HCN1: variants seen among roughly 807,000 people sequenced by gnomAD.
The protein encoded by HCN1 is potassium/sodium hyperpolarization-activated cyclic nucleotide-gated channel 1.
In HCN1, 13 loss-of-function variants were observed where a neutral mutation model predicts 78.9. The ratio of observed to expected loss-of-function variants is 0.16; its 90% CI spans 0.11 to 0.26. The LOEUF (loss-of-function observed/expected upper bound fraction) is 0.26. Among genes scored for constraint, HCN1 ranks in the 10% least tolerant of loss-of-function variants. The probability of loss-of-function intolerance (pLI) is 1.00; values close to 1 mark genes in which losing one functional copy is unlikely to be tolerated. For missense variants in HCN1, 810 were observed against 1,154.3 expected (o/e 0.70, Z 4.32); for synonymous variants, 552 against 455.5 (o/e 1.21, Z -2.70).
intron 1 of HCN1, among the ~76,000 whole-genome samples, chr5:45,668,022 A>AT (rs1746083668): frequency 6.6e-6 from 1 of 151,920 alleles, no homozygotes. Context: ...TTGGAGGCAG[A>AT]TTTTCTGGTA....
chr5:45,628,815 T>C (rs1239736575), intron 2 of HCN1, among the ~76,000 whole-genome samples: 2 of 151,528 alleles, frequency 1.3e-5, no homozygotes, highest in Non-Finnish European at 2.9e-5. Flanking sequence ...CTTCTAAAAC[T>C]ACAAAAAATT....
chr5:45,689,375 T>A (rs560689289), intron 1 of HCN1, among the ~76,000 whole-genome samples: 9 of 152,234 alleles, frequency 5.9e-5, no homozygotes, highest in African/African-American at 2.2e-4. Flanking sequence ...ACATTGGGAA[T>A]GTAAAACTGA....
At chr5:45,392,478 C>G (rs143471474) in intron 4 of HCN1, among the ~76,000 whole-genome samples, 1 of 151,998 alleles carries the variant, frequency 6.6e-6, no homozygotes, top group Non-Finnish European at 1.5e-5. Context: ...ACATATTACT[C>G]CTTTGTATAG....
chr5:45,676,030 T>C (rs886210771), intron 1 of HCN1, among the ~76,000 whole-genome samples: 2 of 151,780 alleles, frequency 1.3e-5, no homozygotes, highest in African/African-American at 2.4e-5. Flanking sequence ...TCCATTGCAG[T>C]TGTGTGCATG....
chr5:45,548,143 C>T (rs1225160954), intron 2 of HCN1, among the ~76,000 whole-genome samples: 1 of 151,794 alleles, frequency 6.6e-6, no homozygotes, highest in Non-Finnish European at 1.5e-5. Flanking sequence ...ATAATTAACT[C>T]TAGAATTGCC....
At chr5:45,348,805 T>C (rs1347392535) in intron 5 of HCN1, among the ~76,000 whole-genome samples, 2 of 152,202 alleles carry the variant, frequency 1.3e-5, no homozygotes, top group Non-Finnish European at 2.9e-5. Context: ...AAGGGATCAA[T>C]TCAACAAGAA....
In HCN1 at chr5:45,401,475, T is replaced by C. The variant is rs545936742; in HGVS notation, c.1012-4765A>G. ...GACCTTCTAATCATATAATTACTCATATAAATATTTCAATTAGTTTATGTA... is the reference window on the plus strand; with the variant it reads ...GACCTTCTAATCATATAATTACTCACATAAATATTTCAATTAGTTTATGTA... On this transcript the variant is annotated intron_variant, in intron 3 of 7. Transcript: ENST00000303230. Among the ~76,000 whole-genome samples, 543 of 152,240 alleles carry C rather than the reference T, an allele frequency of 3.6e-3. 1 individual carries two copies. The highest frequency in any genetic ancestry group is 4.8e-3 in the Admixed American group (73 of 15,284).
At chr5:45,672,185 GCCTAAAGCAAAATGTGAACATGTTA>G (rs1746164210) in intron 1 of HCN1, among the ~76,000 whole-genome samples, 1 of 151,588 alleles carries the variant, frequency 6.6e-6, no homozygotes, top group African/African-American at 2.4e-5. Context: ...CTAGGCTTGT[GCCTAAAGCAAAATGTGAACATGTTA>G]CTAAATCAAA....
At chr5:45,349,328 G>T (rs1200432134) in intron 5 of HCN1, among the ~76,000 whole-genome samples, 3 of 152,124 alleles carry the variant, frequency 2.0e-5, no homozygotes, top group Non-Finnish European at 4.4e-5. Flanking sequence ...AAACCAATGA[G>T]AACAAAGACA....
At chr5:45,628,829 C>T (rs1252366795) in intron 2 of HCN1, among the ~76,000 whole-genome samples, 4 of 151,582 alleles carry the variant, frequency 2.6e-5, no homozygotes, top group Non-Finnish European at 5.9e-5. Context: ...AAAAATTAGT[C>T]GGGCATGCTG....
intron 2 of HCN1, among the ~76,000 whole-genome samples, chr5:45,535,335 C>T (rs533994016): frequency 2.0e-5 from 3 of 152,140 alleles, no homozygotes; most frequent in Non-Finnish European, 4.4e-5. Context: ...TGGTGGCTCA[C>T]ACCTGTAATC....
chr5:45,694,761 A>G lies in HCN1; in HGVS notation c.425+908T>C, dbSNP rs1267360437. Among the ~76,000 whole-genome samples, 5 of 152,318 alleles carry G rather than the reference A, an allele frequency of 3.3e-5. No homozygotes were observed. The East Asian group carries it at 7.7e-4, about 24-fold the overall frequency. On this transcript the variant is annotated intron_variant, in intron 1 of 7. Coordinates refer to ENST00000303230, the MANE Select transcript of HCN1 (RefSeq NM_021072.4). ...TCTACTACACGACCTTCATTTGACA[A>G]TCTCTAAATATGCTTATCACCGAAC... is the stretch of plus-strand genomic sequence containing the variant.
At chr5:45,348,138 G>A (rs1052438761) in intron 5 of HCN1, among the ~76,000 whole-genome samples, 2 of 152,148 alleles carry the variant, frequency 1.3e-5, no homozygotes. Context: ...ACCCACAAAG[G>A]GAAGCCCATC....
intron 3 of HCN1, among the ~76,000 whole-genome samples, chr5:45,453,118 G>A (rs547339047): frequency 6.6e-6 from 1 of 152,072 alleles, no homozygotes; most frequent in Non-Finnish European, 1.5e-5. Context: ...TCTGAAAATA[G>A]GCAACTTAGC....
intron 4 of HCN1, among the ~76,000 whole-genome samples, chr5:45,386,179 A>ATTTT (rs10696140): frequency 2.2e-5 from 3 of 137,936 alleles, no homozygotes; most frequent in Admixed American, 7.4e-5. Flanking sequence ...TTGCTTATAG[A>ATTTT]TTTTTTTTTT....
At chr5:45,314,870 T>G (rs1745944810) in intron 5 of HCN1, among the ~76,000 whole-genome samples, 1 of 152,178 alleles carries the variant, frequency 6.6e-6, no homozygotes, top group South Asian at 2.1e-4. Flanking sequence ...CTAACTATCC[T>G]AAATATATAT....
intron 1 of HCN1, among the ~76,000 whole-genome samples, chr5:45,683,262 CTTATG>C (rs1312949792): frequency 2.0e-5 from 3 of 151,638 alleles, no homozygotes; most frequent in Non-Finnish European, 2.9e-5. Flanking sequence ...GGGTATATAG[CTTATG>C]TTTTTAGTTT....
intron 1 of HCN1, among the ~76,000 whole-genome samples, chr5:45,665,100 G>T (rs866767543): frequency 7.3e-6 from 1 of 137,138 alleles, no homozygotes; most frequent in African/African-American, 2.6e-5. Flanking sequence ...CATATTCACC[G>T]TGGAATACTA....
At chr5:45,517,840 G>A (rs1439320969) in intron 2 of HCN1, among the ~76,000 whole-genome samples, 2 of 151,988 alleles carry the variant, frequency 1.3e-5, no homozygotes, top group Non-Finnish European at 1.5e-5. Context: ...ATGAAATGAT[G>A]TTGTCCCCAT....
Sources: allele counts gnomAD v4.1 joint callset (sites outside exome capture counted in the v4.1 genomes callset), GRCh38; gene constraint gnomAD v4.1.1; transcripts MANE v1.5; gene names NCBI Gene and HGNC (gene_info 2026-07-23, HGNC 2026-07-21).